Variants in RBPMS observed in about 807,000 individuals in gnomAD.
RBPMS encodes RNA binding protein, mRNA processing factor, also known as RNA-binding protein with multiple splicing.
Under a neutral mutation model 26.8 loss-of-function variants are expected in RBPMS, and 7 were observed. The ratio of observed to expected loss-of-function variants is 0.26; its 90% CI spans 0.15 to 0.49. The LOEUF is 0.49. Among genes scored for constraint, RBPMS ranks in the 20% least tolerant of loss-of-function variants. RBPMS has a pLI of 0.98. For missense variants in RBPMS, 186 were observed against 250.0 expected, an observed-to-expected ratio of 0.74 and a Z score of 1.73; for synonymous variants, 96 against 93.3, an observed-to-expected ratio of 1.03 and a Z score of -0.17.
chr8:30,469,753 C>A (rs1034896885), intron 1 of RBPMS, among the ~76,000 whole-genome samples: 2 of 152,236 alleles, frequency 1.3e-5, no homozygotes, highest in Non-Finnish European at 2.9e-5. Flanking sequence ...CTTTGACCTG[C>A]TGCAAAGTTC....
At chr8:30,497,123 T>C (rs1215360226) in intron 4 of RBPMS, among the ~76,000 whole-genome samples, 2 of 152,240 alleles carry the variant, frequency 1.3e-5, no homozygotes, top group African/African-American at 4.8e-5. Flanking sequence ...ACAGTTTATA[T>C]TCCTAACTTA....
chr8:30,556,784 A>G (rs2151079026), intron 6 of RBPMS: 1 of 985,942 alleles, frequency 1.0e-6, no homozygotes, highest in Non-Finnish European at 1.2e-6. Flanking sequence ...GCACCAGGCC[A>G]TGAGCCGTGG....
At chr8:30,416,090 G>A (rs1001739970) in intron 1 of RBPMS, among the ~76,000 whole-genome samples, 3 of 152,128 alleles carry the variant, frequency 2.0e-5, no homozygotes, top group South Asian at 4.1e-4. Flanking sequence ...TTTATGAGTT[G>A]GGAGAATTGT....
chr8:30,425,612 C>G (rs1811263521), intron 1 of RBPMS, among the ~76,000 whole-genome samples: 1 of 152,030 alleles, frequency 6.6e-6, no homozygotes, highest in African/African-American at 2.4e-5. Flanking sequence ...GTTGGCCAGG[C>G]TGGTCTCGAA....
intron 4 of RBPMS, among the ~76,000 whole-genome samples, chr8:30,496,348 T>C (rs892676162): frequency 4.1e-4 from 63 of 152,078 alleles, no homozygotes; most frequent in African/African-American, 1.5e-3. Context: ...TTTTGTATTT[T>C]TAGTAGAGCG....
chr8:30,460,114 T>A (rs964933231), intron 1 of RBPMS, among the ~76,000 whole-genome samples: 1 of 152,250 alleles, frequency 6.6e-6, no homozygotes, highest in Admixed American at 6.5e-5. Context: ...TGGAGAGTAC[T>A]AAGTAGGATG....
rs200221802 is a variant in RBPMS, at chr8:30,431,744, G to A, written c.67-43035G>A. 1.1e-4 allele frequency among the ~76,000 whole-genome samples: 17 copies of A among 152,082 alleles called. No homozygotes were observed. The East Asian group carries it at 3.1e-3, about 28-fold the overall frequency. On this transcript the variant is annotated intron_variant, in intron 1 of 8. Transcript: ENST00000397323. ...TGGGATTACAGGTGTGAGCCACCGC[G>A]CCCAGCCCTCTCTTTCAATAATAGT...
intron 7 of RBPMS, 78 bp downstream of exon 7, chr8:30,559,034 CTCTCCTCCTT>C (rs1290867612): frequency 4.4e-5 from 53 of 1,200,402 alleles, no homozygotes; most frequent in Non-Finnish European, 5.9e-5. Context: ...ATGAACGCAG[CTCTCCTCCTT>C]TCTCTGCACC....
chr8:30,508,758 A>G (rs898178203), intron 5 of RBPMS, among the ~76,000 whole-genome samples: 6 of 152,064 alleles, frequency 3.9e-5, no homozygotes, highest in African/African-American at 1.4e-4. Context: ...CTGAGGTCTG[A>G]TTGGGATGTG....
chr8:30,466,830 G>C (rs2150800310), intron 1 of RBPMS, among the ~76,000 whole-genome samples: 1 of 152,194 alleles, frequency 6.6e-6, no homozygotes, highest in East Asian at 1.9e-4. Flanking sequence ...CCTGACGTCA[G>C]GTGATCCACC....
At chr8:30,454,746 TTG>T (rs1189644533) in intron 1 of RBPMS, among the ~76,000 whole-genome samples, 1 of 152,202 alleles carries the variant, frequency 6.6e-6, no homozygotes, top group East Asian at 1.9e-4. Flanking sequence ...AATCTATTAT[TTG>T]TGTGTATAAA....
At chr8:30,556,505 C>A in intron 6 of RBPMS, 1 of 986,050 alleles carries the variant, frequency 1.0e-6, no homozygotes. Flanking sequence ...CCCGGGCAGC[C>A]CTCCCCCTCC....
At chr8:30,480,946 A>G (rs540793171) in intron 4 of RBPMS, among the ~76,000 whole-genome samples, 64 of 152,374 alleles carry the variant, frequency 4.2e-4, no homozygotes, top group African/African-American at 1.4e-3. Flanking sequence ...AGTAACAAGC[A>G]GTTGAAGCTT....
At chr8:30,422,422 C>A (rs895030301) in intron 1 of RBPMS, among the ~76,000 whole-genome samples, 8 of 152,012 alleles carry the variant, frequency 5.3e-5, no homozygotes, top group African/African-American at 1.9e-4. Context: ...CCGAAATTTT[C>A]TTAAATAATA....
intron 4 of RBPMS, among the ~76,000 whole-genome samples, chr8:30,485,904 G>A (rs1037551561): frequency 1.3e-5 from 2 of 152,134 alleles, no homozygotes; most frequent in African/African-American, 2.4e-5. Flanking sequence ...ACCTCCCTAC[G>A]ATTATAATAG....
intron 6 of RBPMS, among the ~76,000 whole-genome samples, chr8:30,550,726 C>T (rs943714761): frequency 1.3e-5 from 2 of 152,206 alleles, no homozygotes; most frequent in African/African-American, 4.8e-5. Flanking sequence ...ACAGCTTACG[C>T]CAGCACTGGG....
At position 30,530,050 on chromosome 8, in the gene RBPMS, C is replaced by T. The variant is rs144769506; in HGVS notation, c.398-14444C>T. 1.7e-3 allele frequency among the ~76,000 whole-genome samples: 252 copies of T among 152,132 alleles called. 2 individuals carry two copies. Among genetic ancestry groups the T allele is most frequent in the African/African-American group, 5.8e-3 (241 of 41,510 alleles). ...GATTACAGGCGTGAGCCACCGCACCCGGCCAGAACTTCATCCCTTTTTGTG... is the reference window on the plus strand; with the variant it reads ...GATTACAGGCGTGAGCCACCGCACCTGGCCAGAACTTCATCCCTTTTTGTG... On this transcript the variant is annotated intron_variant, in intron 5 of 8. Transcript: ENST00000397323.
chr8:30,414,332 T>C (rs568725385), intron 1 of RBPMS, among the ~76,000 whole-genome samples: 1 of 152,320 alleles, frequency 6.6e-6, no homozygotes, highest in Admixed American at 6.5e-5. Flanking sequence ...GGCAATCTCT[T>C]GTTTATAGGA....
intron 1 of RBPMS, among the ~76,000 whole-genome samples, chr8:30,468,521 A>T (rs1161166350): frequency 1.3e-5 from 2 of 152,126 alleles, no homozygotes; most frequent in African/African-American, 4.8e-5. Context: ...TGACTGGGAA[A>T]TGCCATCTTA....
Sources: gnomAD v4.1 joint callset for allele counts (sites outside exome capture counted in the v4.1 genomes callset) on GRCh38, gnomAD v4.1.1 for gene constraint, MANE v1.5 for transcripts, NCBI Gene and HGNC (gene_info 2026-07-23, HGNC 2026-07-21) for gene names.